NSMF: variants seen among roughly 807,000 people sequenced by gnomAD.
NSMF encodes the protein nasal embryonic LHRH factor.
NSMF carries 31 observed loss-of-function variants against 71.0 expected under a neutral mutation model. The observed-to-expected ratio is 0.44, with a 90% confidence interval of 0.33 to 0.59. The LOEUF is 0.59. NSMF is among the 20% of genes least tolerant of loss of function. The pLI is 0.04. For missense variants in NSMF, 673 were observed against 740.5 expected (o/e 0.91, Z 1.06); for synonymous variants, 345 against 287.1 (o/e 1.20, Z -2.04).
chr9:137,453,204 G>A lies in NSMF; in HGVS notation c.923-24C>T. The A allele has an allele frequency of 6.2e-6, 10 of 1,611,936 alleles. No homozygotes were observed. Among genetic ancestry groups the A allele is most frequent in the Non-Finnish European group, 8.5e-6 (10 of 1,179,814 alleles). On this transcript the variant is annotated intron_variant, in intron 8 of 15. Coordinates refer to ENST00000371475, the MANE Select transcript of NSMF (RefSeq NM_001130969.3). This position sits in a 1 kb window ranked among gnomAD's most constrained non-coding sequence, Gnocchi z 4.5. ...GCCTGGGAAGCAAGAGGGTCACCAG[G>A]ACAGCAGGCCCGGCAGCACCTCCTA...
rs1432414211 is a variant in NSMF at position 137,453,829 on chromosome 9, A to G, written c.833-9T>C. ...GCGCCGCTCAGCGAACGCTGCAGAG[A>G]GCAAAACCCGCATTAGCGAGCGGGT... On this transcript the variant is annotated splice_polypyrimidine_tract_variant and intron_variant, in intron 7 of 15. Coordinates refer to ENST00000371475, the MANE Select transcript of NSMF (RefSeq NM_001130969.3). The surrounding 1 kb of genome is among the most constrained non-coding windows in gnomAD (Gnocchi z 4.5). 6.3e-7 allele frequency: 1 copy of G among 1,581,228 alleles called. No homozygotes were observed. Among genetic ancestry groups the G allele is most frequent in the African/African-American group, 1.3e-5 (1 of 74,430 alleles).
In NSMF at chr9:137,453,248, G is replaced by A; in HGVS notation, c.923-68C>T. The A allele has an allele frequency of 1.2e-6, 2 of 1,600,298 alleles. No individual in the cohort carries two copies. Among genetic ancestry groups the A allele is most frequent in the Middle Eastern group, 1.7e-4 (1 of 5,736 alleles). On this transcript the variant is annotated intron_variant, in intron 8 of 15. Transcript: ENST00000371475. This position sits in a 1 kb window ranked among gnomAD's most constrained non-coding sequence, Gnocchi z 4.5. ...CCTCCTATCCTGGCCATGGCCCCAA[G>A]GCCCACAGGGCCCGAAAGCCCCATC...
intron 1 of NSMF, 93 bp downstream of exon 1, chr9:137,458,939 C>G (rs2132028771): frequency 9.6e-7 from 1 of 1,039,296 alleles, no homozygotes; most frequent in South Asian, 2.4e-5. Flanking sequence ...GGCCGGGGCC[C>G]GGGAGCCCGG....
chr9:137,454,517 G>A, intron 6 of NSMF, 74 bp from the exon 7 acceptor site: 3 of 1,549,242 alleles, frequency 1.9e-6, no homozygotes, highest in South Asian at 1.2e-5. Flanking sequence ...AGCCCCCGTC[G>A]GGTCATGGCT....
rs529989285 is a variant in NSMF, at chr9:137,452,862, A to G, written c.1048-43T>C. The G allele has an allele frequency of 2.5e-5, 40 of 1,570,528 alleles. No homozygotes were observed. In the South Asian group the frequency reaches 4.4e-4, roughly 17 times the overall value. The stretch of plus-strand genomic sequence containing the variant: ...TGCTCAGGGGCCCCAGGCCCATCCA[A>G]AAGCCAAGGGGCTGTGGGAGCCCCC... On this transcript the variant is annotated intron_variant, in intron 9 of 15. Coordinates refer to ENST00000371475, the MANE Select transcript of NSMF (RefSeq NM_001130969.3).
Position 137,450,264 on chromosome 9 carries a change from A to G in NSMF, c.1237-9T>C, listed in dbSNP as rs112888704. 0.014 allele frequency: 22,050 copies of G among 1,610,526 alleles called. 183 individuals are homozygous for G. Among genetic ancestry groups the G allele is most frequent in the Non-Finnish European group, 0.016 (18,441 of 1,177,318 alleles). ...AGGTGTCCAGGACCTCCCTGTAAGA[A>G]GCTGTGGTCAGGCATCTGCTCCTCC... On this transcript the variant is annotated splice_polypyrimidine_tract_variant and intron_variant, in intron 12 of 15. Coordinates refer to ENST00000371475, the MANE Select transcript of NSMF (RefSeq NM_001130969.3).
At position 137,455,301 on chromosome 9, in the gene NSMF, G is replaced by A. The variant is rs755741580; in HGVS notation, c.717C>T (p.Phe239=). ...GGCGCTTCCTCTCCGCGTAGCCCCT[G>A]AACACCCTGGGAAACCACCGCGAGT... ...ATTTMQAISV[F]RGYAERKRRK... The change falls in exon 6 of 16, where the codon TTC becomes TTT. Residue 239 remains phenylalanine (F), a synonymous_variant. Transcript: ENST00000371475. The A allele has an allele frequency of 6.2e-7, 1 of 1,612,748 alleles. No homozygotes were observed. Among genetic ancestry groups the A allele is most frequent in the Admixed American group, 1.7e-5 (1 of 60,022 alleles).
At chr9:137,458,052 G>T in intron 2 of NSMF, 151 bp from the exon 3 acceptor site, 1 of 1,142,962 alleles carries the variant, frequency 8.7e-7, no homozygotes, top group Non-Finnish European at 1.3e-6. Context: ...GTGTTTCTGA[G>T]CCCCTCACTC....
chr9:137,449,412 G>A lies in NSMF; in HGVS notation c.1575C>T (p.Asp525=). ...CTGCCCCTCACAGGACGTCGTCAAA[G>A]TCCAGCAGCTTCGAGTGCTGGCGGC... ...WKSRQHSKLL[D]FDDVL is the part of the protein sequence containing the mutation. The change falls in exon 16 of 16, where the codon GAC becomes GAT. Residue 525 remains aspartate (D), a synonymous_variant. Transcript: ENST00000371475. 2 of 1,612,836 alleles carry A rather than the reference G, an allele frequency of 1.2e-6. No individual in the cohort carries two copies. Among genetic ancestry groups the A allele is most frequent in the Non-Finnish European group, 1.7e-6 (2 of 1,179,860 alleles).
chr9:137,454,259 A>G (rs377507337), intron 7 of NSMF, 132 bp downstream of exon 7: 15 of 844,130 alleles, frequency 1.8e-5, no homozygotes, highest in African/African-American at 5.6e-5. Flanking sequence ...AAGTGGCTGG[A>G]AGGGGAGGAG....
At chr9:137,452,517 T>C (rs745824725) in intron 11 of NSMF, 36 bp downstream of exon 11, 55 of 1,612,294 alleles carry the variant, frequency 3.4e-5, no homozygotes, top group Non-Finnish European at 4.6e-5. Context: ...CTCCCAGGCC[T>C]GGAACCAGCA....
At chr9:137,449,552 T>C (rs1215579893) in intron 15 of NSMF, 47 bp downstream of exon 15, 7 of 1,609,984 alleles carry the variant, frequency 4.3e-6, no homozygotes, top group Non-Finnish European at 5.9e-6. Flanking sequence ...CACCCCACCG[T>C]GGCCCCGCAG....
chr9:137,455,960 G>C (rs1009272612), intron 4 of NSMF, among the ~76,000 whole-genome samples: 3 of 152,256 alleles, frequency 2.0e-5, no homozygotes, highest in Non-Finnish European at 4.4e-5. Flanking sequence ...AACTTCCCTG[G>C]AAGGAATCCC....
Position 137,449,413 on chromosome 9 carries a change from T to G in NSMF, c.1574A>C (p.Asp525Ala), listed in dbSNP as rs866737998. 1 of 1,612,806 alleles carries G rather than the reference T, an allele frequency of 6.2e-7. No homozygotes were observed. The highest frequency in any genetic ancestry group is 1.3e-5 in the African/African-American group (1 of 75,026). The change falls in exon 16 of 16, where the codon GAC (aspartate) becomes GCC (alanine). Residue 525 changes from aspartate (D) to alanine (A), a missense_variant. Coordinates refer to ENST00000371475, the MANE Select transcript of NSMF (RefSeq NM_001130969.3). Reference sequence around the variant, plus strand: ...TGCCCCTCACAGGACGTCGTCAAAGTCCAGCAGCTTCGAGTGCTGGCGGCT... The same window carrying G: ...TGCCCCTCACAGGACGTCGTCAAAGGCCAGCAGCTTCGAGTGCTGGCGGCT... ...WKSRQHSKLL[D>A]FDDVL
At chr9:137,457,341 T>C in intron 3 of NSMF, 66 bp downstream of exon 3, 1 of 1,599,260 alleles carries the variant, frequency 6.3e-7, no homozygotes, top group Non-Finnish European at 8.6e-7. Flanking sequence ...CAGTGGCTGC[T>C]GCTGTCAGAC....
In NSMF at chr9:137,457,844, G is replaced by A. The variant is rs1001618777; in HGVS notation, c.191C>T (p.Ala64Val). ...GGACAGGCGGCGCTTGTTCTGGGGG[G>A]CCGGCTGCATCTCGGGGGACCCGTC... The part of the protein sequence containing the change: ...GHDGSPEMQP[A>V]PQNKRRLSLV... The change falls in exon 3 of 16, where the codon GCC becomes GTC. Residue 64 changes from alanine (A) to valine (V), a missense_variant. By Grantham distance (64) the Ala-to-Val change is moderately conservative. Around this residue, in one of 2 missense-constraint regions of NSMF, gnomAD observed 471 missense variants for 459.6 expected, o/e 1.02. Transcript: ENST00000371475. The A allele has an allele frequency of 1.9e-6, 3 of 1,553,812 alleles. No homozygotes were observed. The South Asian group carries it at 3.6e-5, about 18-fold the overall frequency.
At chr9:137,457,942 C>T (rs570717663) in intron 2 of NSMF, 41 bp from the exon 3 acceptor site, 108 of 1,535,596 alleles carry the variant, frequency 7.0e-5, no homozygotes, top group Middle Eastern at 1.8e-4. Flanking sequence ...CGCGTGTGGG[C>T]CCCCCGCTGC....
rs1249250149 is a variant in NSMF, at chr9:137,455,259, A to C, written c.759T>G (p.Asp253Glu). The change falls in exon 6 of 16, where the codon GAT becomes GAG. Residue 253 changes from aspartate to glutamate, a missense_variant. Physicochemically the swap from Asp to Glu is conservative, Grantham distance 45. This residue lies in a region of NSMF where 471 missense variants were observed against 459.6 expected (regional missense o/e 1.02). Transcript: ENST00000371475. ...AERKRRKREN[D>E]SASVIQRNFR... ...CCTACCTCTGGATTACAGACGCGGA[A>C]TCATTCTCCCGTTTCCGGCGCTTCC... 5 of 1,612,824 alleles carry C rather than the reference A, an allele frequency of 3.1e-6. No homozygotes were observed. Among genetic ancestry groups the C allele is most frequent in the Non-Finnish European group, 4.2e-6 (5 of 1,179,924 alleles).
rs1564261331 is a variant in NSMF at position 137,452,600 on chromosome 9, C to T, written c.1132-14G>A. 1.9e-6 allele frequency: 3 copies of T among 1,612,640 alleles called. No homozygotes were observed. Among genetic ancestry groups the T allele is most frequent in the African/African-American group, 2.7e-5 (2 of 75,044 alleles). On this transcript the variant is annotated splice_polypyrimidine_tract_variant and intron_variant, in intron 10 of 15. Coordinates refer to ENST00000371475, the MANE Select transcript of NSMF (RefSeq NM_001130969.3). ...GTGCTCATGGTCCTGGGGACAGACACAGGCCACAAGGCCACATCAAGGCTG... is the reference window on the plus strand; with the variant it reads ...GTGCTCATGGTCCTGGGGACAGACATAGGCCACAAGGCCACATCAAGGCTG...
Sources: gnomAD v4.1 joint callset for allele counts (sites outside exome capture counted in the v4.1 genomes callset) on GRCh38, gnomAD v4.1.1 for gene constraint, gnomAD v4.1.1 regional missense constraint, Gnocchi (gnomAD v3.1) non-coding constraint, MANE v1.5 for transcripts, NCBI Gene and HGNC (gene_info 2026-07-23, HGNC 2026-07-21) for gene names.